Variants in HSPA4 observed in about 807,000 individuals in gnomAD.
HSPA4 encodes heat shock 70 kDa protein 4.
Under a neutral mutation model 106.2 loss-of-function variants are expected in HSPA4, and 25 were observed. That is an observed-to-expected ratio of 0.24 (90% CI 0.17 to 0.33). The LOEUF (loss-of-function observed/expected upper bound fraction) is 0.33, where lower values mean the gene tolerates loss of function less well. HSPA4 is among the 10% of genes least tolerant of loss of function. HSPA4 has a pLI of 1.00. For synonymous variants in HSPA4, 332 were observed against 333.6 expected, an observed-to-expected ratio of 1.00 and a Z score of 0.05; for missense variants, 841 against 996.0, an observed-to-expected ratio of 0.84 and a Z score of 2.10.
At position 133,089,181 on chromosome 5, in the gene HSPA4, T is replaced by C; in HGVS notation, c.1244+20T>C. 1 of 1,314,792 alleles carries C rather than the reference T, an allele frequency of 7.6e-7. No homozygotes were observed. Among genetic ancestry groups the C allele is most frequent in the Non-Finnish European group, 1.1e-6 (1 of 933,308 alleles). 81.4% of individuals were successfully genotyped at this position (1,314,792 alleles called of 1,614,324 possible). A position where few individuals can be genotyped will look rare whatever the true frequency, so the allele number is the denominator to read the frequency against. ...GTCAAGGTATCATGTTTATTAATCA[T>C]TTACATATCTAAAGTTAATTGACTA... On this transcript the variant is annotated intron_variant, in intron 10 of 18. Coordinates refer to ENST00000304858, the MANE Select transcript of HSPA4 (RefSeq NM_002154.4).
intron 1 of HSPA4, among the ~76,000 whole-genome samples, chr5:133,058,905 A>AT (rs1244310745): frequency 6.6e-6 from 1 of 150,460 alleles, no homozygotes; most frequent in East Asian, 2.0e-4. Flanking sequence ...AGGTGGGCAA[A>AT]TCCCCTGAGG....
chr5:133,074,618 CTG>C, intron 6 of HSPA4, among the ~76,000 whole-genome samples: 1 of 152,274 alleles, frequency 6.6e-6, no homozygotes, highest in African/African-American at 2.4e-5. Context: ...GAATTTTACA[CTG>C]GGGATTGAGA....
intron 17 of HSPA4, among the ~76,000 whole-genome samples, chr5:133,103,492 T>C (rs1257313045): frequency 6.6e-6 from 1 of 152,120 alleles, no homozygotes; most frequent in Non-Finnish European, 1.5e-5. Flanking sequence ...CTTTTAAAAA[T>C]AGTATTCATT....
chr5:133,066,153 A>G (rs557751880), intron 2 of HSPA4, among the ~76,000 whole-genome samples: 1 of 152,348 alleles, frequency 6.6e-6, no homozygotes, highest in South Asian at 2.1e-4. Flanking sequence ...ATTGAGAGAC[A>G]GTTACTATAC....
rs113824564 is a variant in HSPA4 at position 133,072,760 on chromosome 5, A to G, written c.430-470A>G. ...ACATTGGTACCCTATACCTAGCATG[A>G]ACCAAAATTCCAACTCCCAGAAGGA... is the stretch of plus-strand genomic sequence containing the variant. On this transcript the variant is annotated intron_variant, in intron 4 of 18. Transcript: ENST00000304858. Among the ~76,000 whole-genome samples the G allele has an allele frequency of 2.7e-3, 411 of 152,178 alleles. 1 individual carries two copies. The highest frequency in any genetic ancestry group is 8.9e-3 in the African/African-American group (368 of 41,516).
intron 3 of HSPA4, among the ~76,000 whole-genome samples, chr5:133,068,413 T>G (rs1581468036): frequency 6.8e-6 from 1 of 148,086 alleles, no homozygotes; most frequent in South Asian, 2.1e-4. Flanking sequence ...CACTCAGAGG[T>G]AGTAAGAGGA....
chr5:133,070,603 A>G, intron 4 of HSPA4, 107 bp downstream of exon 4: 1 of 1,371,514 alleles, frequency 7.3e-7, no homozygotes, highest in Admixed American at 1.9e-5. Flanking sequence ...TGTAATGGTT[A>G]TTTAAAATGT....
intron 1 of HSPA4, among the ~76,000 whole-genome samples, chr5:133,054,404 A>C (rs377088549): frequency 3.9e-4 from 59 of 152,042 alleles, no homozygotes; most frequent in African/African-American, 1.4e-3. Context: ...GGGTTTCACC[A>C]TGTTGGCCAG....
At position 133,104,680 on chromosome 5, in the gene HSPA4, C is replaced by T. The variant is rs1765833608; in HGVS notation, c.*244C>T. 1.1e-5 allele frequency: 5 copies of T among 461,144 alleles called. No homozygotes were observed. In the South Asian group the frequency reaches 1.2e-4, roughly 11 times the overall value. 28.6% of individuals were successfully genotyped at this position (461,144 alleles called of 1,614,324 possible). On this transcript the variant is annotated 3_prime_UTR_variant, in exon 19 of 19. Coordinates refer to ENST00000304858, the MANE Select transcript of HSPA4 (RefSeq NM_002154.4). ...TAGAAGCCCAGTTAGTCTTACTGAG[C>T]TTATGCTTCACTCCTTTATGTTTAA... is the stretch of plus-strand genomic sequence containing the variant.
chr5:133,091,290 G>A lies in HSPA4; in HGVS notation c.1476G>A (p.Val492=). The part of the protein sequence containing the change: ...VRVNVHGIFS[V]SSASLVEVHK... ...TAAATGTCCATGGCATTTTCAGTGT[G>A]TCCAGTGCATCTTTAGTGGAGGTTC... Residue 492 remains valine (V), a synonymous_variant, in exon 12 of 19, where the codon GTG becomes GTA. Transcript: ENST00000304858. 1 of 1,613,882 alleles carries A rather than the reference G, an allele frequency of 6.2e-7. No individual in the cohort carries two copies.
intron 1 of HSPA4, among the ~76,000 whole-genome samples, chr5:133,059,953 T>G (rs1765217776): frequency 6.6e-6 from 1 of 152,194 alleles, no homozygotes; most frequent in Non-Finnish European, 1.5e-5. Flanking sequence ...GTATATTTCC[T>G]TTAAATATTC....
At chr5:133,097,448 A>T (rs1485257205) in intron 15 of HSPA4, among the ~76,000 whole-genome samples, 162 bp downstream of exon 15, 1 of 151,940 alleles carries the variant, frequency 6.6e-6, no homozygotes, top group Non-Finnish European at 1.5e-5. Flanking sequence ...TTTCTCTATT[A>T]GTACAGTGTT....
intron 15 of HSPA4, 51 bp from the exon 16 acceptor site, chr5:133,099,494 T>C (rs777689245): frequency 1.1e-6 from 1 of 925,040 alleles, no homozygotes; most frequent in Non-Finnish European, 1.8e-6. Context: ...CTGACTGTAT[T>C]GGGGATGTAA....
At chr5:133,103,448 A>G (rs921285754) in intron 17 of HSPA4, among the ~76,000 whole-genome samples, 1 of 150,538 alleles carries the variant, frequency 6.6e-6, no homozygotes, top group African/African-American at 2.5e-5. Context: ...GGCTCACTGC[A>G]AGCTCCGCCT....
rs144543523 is a variant in HSPA4 at position 133,103,952 on chromosome 5, C to G, written c.2245C>G (p.Leu749Val). 5.6e-6 allele frequency: 9 copies of G among 1,613,868 alleles called. No homozygotes were observed. The highest frequency in any genetic ancestry group is 3.4e-6 in the Non-Finnish European group (4 of 1,179,884). Residue 749 changes from leucine to valine, a missense_variant, in exon 18 of 19, where the codon CTA (leucine) becomes GTA (valine). By Grantham distance (32) the Leu-to-Val change is conservative. Transcript: ENST00000304858. ...NEAMEWMNNKLNLQNKQSLTM... is the reference protein window; with the variant it reads ...NEAMEWMNNKVNLQNKQSLTM... ...AGCAATGGAGTGGATGAATAACAAGCTAAATCTGCAGAACAAGCAGAGTTT... is the reference window on the plus strand; with the variant it reads ...AGCAATGGAGTGGATGAATAACAAGGTAAATCTGCAGAACAAGCAGAGTTT...
chr5:133,097,878 C>T (rs1420349830), intron 15 of HSPA4, among the ~76,000 whole-genome samples: 3 of 150,358 alleles, frequency 2.0e-5, no homozygotes, highest in African/African-American at 7.3e-5. Context: ...TTAAAGCTCA[C>T]TTTTTCCTGT....
intron 1 of HSPA4, among the ~76,000 whole-genome samples, chr5:133,053,647 G>A (rs1464539674): frequency 1.3e-5 from 2 of 151,520 alleles, no homozygotes; most frequent in East Asian, 3.9e-4. Flanking sequence ...ACCGTGCCCT[G>A]CCCAGGGGCT....
At chr5:133,080,417 CAAAAAAAAA>C (rs33998797) in intron 7 of HSPA4, among the ~76,000 whole-genome samples, 1 of 68,142 alleles carries the variant, frequency 1.5e-5, no homozygotes, top group South Asian at 5.6e-4. Context: ...GACCCTGTCT[CAAAAAAAAA>C]AAAAAAAAAA....
chr5:133,066,057 C>T (rs1485201746), intron 2 of HSPA4, among the ~76,000 whole-genome samples: 4 of 152,162 alleles, frequency 2.6e-5, no homozygotes, highest in African/African-American at 4.8e-5. Flanking sequence ...TAGGAGACAG[C>T]AGGTAGAAAA....
Sources: gnomAD v4.1 joint callset for allele counts (sites outside exome capture counted in the v4.1 genomes callset) on GRCh38, gnomAD v4.1.1 for gene constraint, MANE v1.5 for transcripts, NCBI Gene and HGNC (gene_info 2026-07-23, HGNC 2026-07-21) for gene names.